Variants in PLOD1 observed in about 807,000 individuals in gnomAD.
The protein encoded by PLOD1 is procollagen-lysine,2-oxoglutarate 5-dioxygenase 1.
PLOD1 carries 70 observed loss-of-function variants against 94.7 expected under a neutral mutation model. That is an observed-to-expected ratio of 0.74 (90% CI 0.61 to 0.90). The LOEUF (loss-of-function observed/expected upper bound fraction) is 0.90, where lower values mean the gene tolerates loss of function less well. Ranked by LOEUF, PLOD1 falls within the 40% of genes least tolerant of loss-of-function variation. PLOD1 has a pLI of 0.00. For synonymous variants in PLOD1, 417 were observed against 400.2 expected (o/e 1.04, Z -0.50); for missense variants, 905 against 972.7 (o/e 0.93, Z 0.93).
intron 4 of PLOD1, among the ~76,000 whole-genome samples, chr1:11,952,330 A>G (rs1645708885): frequency 6.6e-6 from 1 of 152,218 alleles, no homozygotes. Context: ...CTCCTCGTAC[A>G]ATCCGTTTCT....
At chr1:11,956,445 C>A (rs1645738352) in intron 6 of PLOD1, among the ~76,000 whole-genome samples, 1 of 152,136 alleles carries the variant, frequency 6.6e-6, no homozygotes, top group South Asian at 2.1e-4. Flanking sequence ...GCTGCAGGGG[C>A]TCCCTCCACT....
Position 11,972,788 on chromosome 1 carries a change from G to T in PLOD1, c.1903-84G>T. 1 of 1,519,616 alleles carries T rather than the reference G, an allele frequency of 6.6e-7. No individual in the cohort carries two copies. Among genetic ancestry groups the T allele is most frequent in the Admixed American group, 1.7e-5 (1 of 59,774 alleles). 94.1% of individuals were successfully genotyped at this position (1,519,616 alleles called of 1,614,324 possible). A position where few individuals can be genotyped will look rare whatever the true frequency, so the allele number is the denominator to read the frequency against. ...AGCTGACCTGCAGCAGGCCAGACCA[G>T]GCCCCATGTGTGCACCCTCCTCTCC... On this transcript the variant is annotated intron_variant, in intron 17 of 18. Transcript: ENST00000196061. This position sits in a 1 kb window ranked among gnomAD's most constrained non-coding sequence, Gnocchi z 4.6.
chr1:11,974,942 CAATCAAA>C lies in PLOD1; in HGVS notation c.*135_*141del. 1 of 864,762 alleles carries C rather than the reference CAATCAAA, an allele frequency of 1.2e-6. No homozygotes were observed. The highest frequency in any genetic ancestry group is 1.8e-5 in the Admixed American group (1 of 56,376). The allele number at this position is 864,762 out of a possible 1,614,324, so 53.6% of individuals were successfully genotyped here. A position where few individuals can be genotyped will look rare whatever the true frequency, so the allele number is the denominator to read the frequency against. ...GACTTCCCATTGCTCTTGGAGCCAC[CAATCAAA>C]GAGATTCAAAGAGATTCCTGCAGGC... On this transcript the variant is annotated 3_prime_UTR_variant, in exon 19 of 19. Coordinates refer to ENST00000196061, the MANE Select transcript of PLOD1 (RefSeq NM_000302.4).
At chr1:11,945,425 CAAAA>C (rs58172342) in intron 1 of PLOD1, among the ~76,000 whole-genome samples, 3 of 144,934 alleles carry the variant, frequency 2.1e-5, no homozygotes, top group Admixed American at 2.1e-4. Context: ...GATTGGGTCT[CAAAA>C]AAAAAAACCC....
At chr1:11,960,400 A>G (rs1031553034) in intron 9 of PLOD1, among the ~76,000 whole-genome samples, 1 of 152,206 alleles carries the variant, frequency 6.6e-6, no homozygotes, top group African/African-American at 2.4e-5. Flanking sequence ...GCGGAGCTCT[A>G]TCCTGATGAC....
intron 2 of PLOD1, among the ~76,000 whole-genome samples, chr1:11,948,966 A>C (rs1645677018): frequency 6.6e-6 from 1 of 152,156 alleles, no homozygotes; most frequent in African/African-American, 2.4e-5. Flanking sequence ...TTAAGTCAGC[A>C]AGCAAGTGTA....
chr1:11,960,749 A>T lies in PLOD1; in HGVS notation c.1079A>T (p.Asp360Val). 1 of 1,613,322 alleles carries T rather than the reference A, an allele frequency of 6.2e-7. No individual in the cohort carries two copies. Among genetic ancestry groups the T allele is most frequent in the African/African-American group, 1.3e-5 (1 of 75,044 alleles). ...CCTGAGGTGCGGATGGCGAATGCAGATGCCAGGAACATGGGCGCGTGAGTT... is the reference window on the plus strand; with the variant it reads ...CCTGAGGTGCGGATGGCGAATGCAGTTGCCAGGAACATGGGCGCGTGAGTT... The part of the protein sequence containing the change: ...VGPEVRMANA[D>V]ARNMGADLCR... Residue 360 changes from aspartate to valine, a missense_variant, in exon 10 of 19, where the codon GAT becomes GTT. Asp to Val is a radical substitution (Grantham distance 152, BLOSUM62 -3). Coordinates refer to ENST00000196061, the MANE Select transcript of PLOD1 (RefSeq NM_000302.4).
intron 2 of PLOD1, among the ~76,000 whole-genome samples, chr1:11,948,592 T>C (rs1199999544): frequency 2.0e-5 from 3 of 151,972 alleles, no homozygotes; most frequent in Admixed American, 6.6e-5. Context: ...TAGCTGGGCA[T>C]GATGGCACGC....
chr1:11,967,031 C>A lies in PLOD1; in HGVS notation c.1695C>A (p.Ala565=). 2 of 1,614,068 alleles carry A rather than the reference C, an allele frequency of 1.2e-6. No individual in the cohort carries two copies. Among genetic ancestry groups the A allele is most frequent in the South Asian group, 2.2e-5 (2 of 91,086 alleles). Residue 565 remains alanine (A), a synonymous_variant, in exon 16 of 19, where the codon GCC becomes GCA. Transcript: ENST00000196061. The part of the protein sequence containing the change: ...VYWFPIFTEV[A]CDELVEEMEH... ...GGTTCCCCATCTTCACGGAGGTGGC[C>A]TGTGATGAGCTGGTGGAGGAGATGG...
chr1:11,962,351 A>G (rs1645784423), intron 10 of PLOD1, among the ~76,000 whole-genome samples: 1 of 135,492 alleles, frequency 7.4e-6, no homozygotes. Context: ...ATATTGGCTC[A>G]CTGCAAGCTC....
intron 16 of PLOD1, among the ~76,000 whole-genome samples, chr1:11,967,597 G>GTGTATATATATATATATATA (rs1391982281): frequency 0.036 from 2,139 of 58,674 alleles, 56 homozygotes; most frequent in Non-Finnish European, 0.056. Context: ...GTGTGTGTGT[G>GTGTATATATATATATATATA]TATATATATA....
intron 18 of PLOD1, 115 bp downstream of exon 18, chr1:11,973,112 ACC>A: frequency 8.8e-7 from 1 of 1,131,710 alleles, no homozygotes; most frequent in Admixed American, 1.9e-5. Flanking sequence ...GTGCCAGAGA[ACC>A]AGAAAAAAAA....
intron 1 of PLOD1, among the ~76,000 whole-genome samples, chr1:11,937,140 G>T (rs970106195): frequency 1.3e-5 from 2 of 152,132 alleles, no homozygotes; most frequent in African/African-American, 4.8e-5. Flanking sequence ...GAGCCACCGC[G>T]CCCGGCCAGG....
rs145447578 is a variant in PLOD1 at position 11,957,905 on chromosome 1, G to A, written c.805G>A (p.Val269Met). 108 of 1,613,826 alleles carry A rather than the reference G, an allele frequency of 6.7e-5. No individual in the cohort carries two copies. Among genetic ancestry groups the A allele is most frequent in the Non-Finnish European group, 8.4e-5 (99 of 1,179,842 alleles). ...RFWTFETGCT[V>M]CDEGLRSLKG... Reference sequence around the variant, plus strand: ...CTGGACCTTCGAAACAGGCTGCACCGTGTGTGACGAAGGCTTGCGCAGCCT... The same window carrying A: ...CTGGACCTTCGAAACAGGCTGCACCATGTGTGACGAAGGCTTGCGCAGCCT... The change falls in exon 8 of 19, where the codon GTG becomes ATG. Residue 269 changes from valine (V) to methionine (M), a missense_variant. Transcript: ENST00000196061. This position sits in a 1 kb window ranked among gnomAD's most constrained non-coding sequence, Gnocchi z 4.1.
intron 1 of PLOD1, chr1:11,944,769 C>G (rs1645638882): frequency 1.2e-6 from 1 of 858,018 alleles, no homozygotes; most frequent in South Asian, 1.7e-5. Flanking sequence ...GGCGCCAGCC[C>G]TCTGCCCTGG....
intron 15 of PLOD1, among the ~76,000 whole-genome samples, chr1:11,966,642 G>A (rs1316894739): frequency 6.6e-6 from 1 of 152,142 alleles, no homozygotes; most frequent in Non-Finnish European, 1.5e-5. Flanking sequence ...CATCCTGGAT[G>A]TGATGGCCAC....
intron 16 of PLOD1, 119 bp downstream of exon 16, chr1:11,967,210 G>A: frequency 1.4e-6 from 1 of 711,032 alleles, no homozygotes. Context: ...TCTTGACATA[G>A]GGGTGCTGGC....
rs1428142360 is a variant in PLOD1, at chr1:11,975,310, T to A, written c.*502T>A. On this transcript the variant is annotated 3_prime_UTR_variant, in exon 19 of 19. Coordinates refer to ENST00000196061, the MANE Select transcript of PLOD1 (RefSeq NM_000302.4). ...CTGCCCTGAGTCTGGGACTTCTGCC[T>A]CCATGGCTGGTCATGAGAGCAAACC... 8.4e-6 allele frequency: 2 copies of A among 236,706 alleles called. No homozygotes were observed. Among genetic ancestry groups the A allele is most frequent in the Non-Finnish European group, 1.7e-5 (2 of 118,608 alleles). 14.7% of individuals were successfully genotyped at this position (236,706 alleles called of 1,614,324 possible).
At chr1:11,939,278 G>A (rs1645599942) in intron 1 of PLOD1, among the ~76,000 whole-genome samples, 1 of 152,136 alleles carries the variant, frequency 6.6e-6, no homozygotes, top group Non-Finnish European at 1.5e-5. Context: ...GGCTAAGGTT[G>A]GCTCCCACGT....
Sources: gnomAD v4.1 joint callset for allele counts (sites outside exome capture counted in the v4.1 genomes callset) on GRCh38, gnomAD v4.1.1 for gene constraint, Gnocchi (gnomAD v3.1) non-coding constraint, MANE v1.5 for transcripts, NCBI Gene and HGNC (gene_info 2026-07-23, HGNC 2026-07-21) for gene names.